The following ABCA12 variants were observed in gnomAD, a reference collection of about 807,000 sequenced individuals.
ABCA12 encodes the protein ATP binding cassette subfamily A member 12, also known as glucosylceramide transporter ABCA12.
In ABCA12, 156 loss-of-function variants were observed where a neutral mutation model predicts 293.5. The observed-to-expected ratio is 0.53, with a 90% CI of 0.47 to 0.61. The LOEUF (loss-of-function observed/expected upper bound fraction) is 0.61. ABCA12 is among the 20% of genes least tolerant of loss of function. The pLI, the probability that ABCA12 is intolerant of heterozygous loss-of-function variation, is 0.00. For synonymous variants in ABCA12, 1,063 were observed against 1,108.0 expected, an observed-to-expected ratio of 0.96 and a Z score of 0.81; for missense variants, 2,797 against 3,090.2, an observed-to-expected ratio of 0.91 and a Z score of 2.25.
chr2:214,949,483 C>A (rs1244239133), intron 45 of ABCA12, among the ~76,000 whole-genome samples: 2 of 151,732 alleles, frequency 1.3e-5, no homozygotes, highest in African/African-American at 4.8e-5. Context: ...TCTGCTAACC[C>A]AACAAAGTAA....
At chr2:215,038,790 G>T (rs1418665532) in intron 7 of ABCA12, among the ~76,000 whole-genome samples, 2 of 152,042 alleles carry the variant, frequency 1.3e-5, no homozygotes, top group Non-Finnish European at 2.9e-5. Context: ...AAATCTTTCA[G>T]CATTATTATC....
intron 45 of ABCA12, 51 bp downstream of exon 45, chr2:214,950,828 A>T: frequency 6.4e-7 from 1 of 1,573,358 alleles, no homozygotes; most frequent in South Asian, 1.1e-5. Flanking sequence ...TTAATTTGTC[A>T]CATAGTATGC....
chr2:215,128,708 A>G (rs1002736464), intron 1 of ABCA12, among the ~76,000 whole-genome samples: 1 of 150,538 alleles, frequency 6.6e-6, no homozygotes, highest in Non-Finnish European at 1.5e-5. Flanking sequence ...TTCTTCTTTC[A>G]TGTTTTGGAT....
At chr2:215,093,774 A>G (rs1207757167) in intron 2 of ABCA12, among the ~76,000 whole-genome samples, 1 of 152,096 alleles carries the variant, frequency 6.6e-6, no homozygotes, top group African/African-American at 2.4e-5. Context: ...CTCTTTGTTG[A>G]GTCTCCCACA....
intron 45 of ABCA12, among the ~76,000 whole-genome samples, chr2:214,949,642 C>T (rs905717936): frequency 7.2e-5 from 11 of 152,174 alleles, no homozygotes; most frequent in Admixed American, 2.0e-4. Flanking sequence ...GATTTGCTTT[C>T]TCTTTTCAAT....
Position 215,040,908 on chromosome 2 carries a change from C to T in ABCA12, c.873-3843G>A, listed in dbSNP as rs531321729. ...AAAAGGGGGGGTGTGAATATATGTG[C>T]AGAATGTGCAGGTTTGTTACATACA... On this transcript the variant is annotated intron_variant, in intron 7 of 52. Coordinates refer to ENST00000272895, the MANE Select transcript of ABCA12 (RefSeq NM_173076.3). 2.0e-5 allele frequency among the ~76,000 whole-genome samples: 3 copies of T among 152,202 alleles called. No homozygotes were observed. The South Asian group carries it at 6.2e-4, about 32-fold the overall frequency.
intron 39 of ABCA12, chr2:214,962,427 A>T (rs556575631): frequency 6.6e-6 from 1 of 152,162 alleles, no homozygotes; most frequent in Non-Finnish European, 1.5e-5. Context: ...TCAATATTTC[A>T]TATAAAGCAT....
chr2:215,039,422 C>T (rs1334326968), intron 7 of ABCA12, among the ~76,000 whole-genome samples: 1 of 152,004 alleles, frequency 6.6e-6, no homozygotes, highest in Non-Finnish European at 1.5e-5. Context: ...TTAAAAAGTC[C>T]AAGCCATGTA....
intron 19 of ABCA12, among the ~76,000 whole-genome samples, chr2:215,007,401 A>C (rs954708870): frequency 1.3e-5 from 2 of 152,222 alleles, no homozygotes; most frequent in African/African-American, 4.8e-5. Flanking sequence ...GAGTAATTTA[A>C]AGGAGAGAAA....
At chr2:215,088,078 A>G (rs1267745794) in intron 2 of ABCA12, among the ~76,000 whole-genome samples, 1 of 152,206 alleles carries the variant, frequency 6.6e-6, no homozygotes, top group African/African-American at 2.4e-5. Context: ...TTAGGTCATG[A>G]AAAATCTTAG....
intron 11 of ABCA12, 75 bp downstream of exon 11, chr2:215,025,598 A>AG: frequency 2.3e-6 from 2 of 853,728 alleles, no homozygotes; most frequent in Admixed American, 3.6e-5. Context: ...AGAAGTGTTA[A>AG]GGTTTTTTTT....
At chr2:214,936,285 A>G (rs892637495) in intron 51 of ABCA12, among the ~76,000 whole-genome samples, 8 of 152,178 alleles carry the variant, frequency 5.3e-5, no homozygotes, top group African/African-American at 1.9e-4. Flanking sequence ...AGCATAGTGT[A>G]TACCAGATTT....
At chr2:215,098,044 G>A (rs569707675) in intron 2 of ABCA12, among the ~76,000 whole-genome samples, 20 of 152,208 alleles carry the variant, frequency 1.3e-4, no homozygotes, top group African/African-American at 4.6e-4. Context: ...GGTAAGTCAA[G>A]TTTTCACAGG....
intron 2 of ABCA12, among the ~76,000 whole-genome samples, chr2:215,089,537 C>A (rs1323173962): frequency 6.6e-6 from 1 of 152,182 alleles, no homozygotes; most frequent in African/African-American, 2.4e-5. Flanking sequence ...GAGCAGAATT[C>A]TTTCAAATGT....
chr2:215,128,529 A>T (rs1390097544), intron 1 of ABCA12, among the ~76,000 whole-genome samples: 2 of 151,462 alleles, frequency 1.3e-5, no homozygotes, highest in South Asian at 4.2e-4. Context: ...GTTGGATTGG[A>T]TTAATTCTAA....
intron 39 of ABCA12, among the ~76,000 whole-genome samples, chr2:214,964,276 G>T (rs1559118172): frequency 6.6e-6 from 1 of 152,154 alleles, no homozygotes; most frequent in Non-Finnish European, 1.5e-5. Flanking sequence ...ATATCATACT[G>T]AATGGGCAAA....
At chr2:214,983,968 T>A in intron 28 of ABCA12, 103 bp from the exon 29 acceptor site, 1 of 960,298 alleles carries the variant, frequency 1.0e-6, no homozygotes, top group Non-Finnish European at 1.6e-6. Context: ...ACAGTGTATC[T>A]TCTCAGTCAA....
In ABCA12 at chr2:214,982,368, A is replaced by G. The variant is rs941887249; in HGVS notation, c.4398T>C (p.Thr1466=). ...TCTTATGACGATGGCTATATAGTCC[A>G]GTATCTTTTAAAGTCCTTCAAAAAT... The part of the protein sequence containing the change: ...HEEVKRTLKD[T]GLYSHRHKRV... Residue 1466 remains threonine (T), a synonymous_variant, in exon 30 of 53, where the codon ACT becomes ACC. Coordinates refer to ENST00000272895, the MANE Select transcript of ABCA12 (RefSeq NM_173076.3). The G allele has an allele frequency of 3.7e-6, 6 of 1,613,746 alleles. No individual in the cohort carries two copies. Among genetic ancestry groups the G allele is most frequent in the East Asian group, 2.2e-5 (1 of 44,874 alleles).
At chr2:215,111,720 G>C in intron 1 of ABCA12, 30 bp from the exon 2 acceptor site, 1 of 1,549,246 alleles carries the variant, frequency 6.5e-7, no homozygotes, top group Admixed American at 1.7e-5. Context: ...AAAATTGTTA[G>C]TTTTATTGTT....
Sources: allele counts gnomAD v4.1 joint callset (sites outside exome capture counted in the v4.1 genomes callset), GRCh38; gene constraint gnomAD v4.1.1; transcripts MANE v1.5; gene names NCBI Gene and HGNC (gene_info 2026-07-23, HGNC 2026-07-21).